Variants in TBC1D16 observed in about 807,000 individuals in gnomAD.
TBC1D16 encodes TBC1 domain family member 16.
TBC1D16 carries 58 observed loss-of-function variants against 74.7 expected under a neutral mutation model. The observed-to-expected ratio is 0.78, with a 90% CI of 0.63 to 0.97. TBC1D16 has a LOEUF of 0.97. Ranked by LOEUF, TBC1D16 falls within the 50% of genes least tolerant of loss-of-function variation. TBC1D16 has a pLI of 0.00. For missense variants in TBC1D16, 1,014 were observed against 1,079.5 expected (o/e 0.94, Z 0.85); for synonymous variants, 493 against 474.7 (o/e 1.04, Z -0.50).
rs968607097 is a variant in TBC1D16 at position 79,986,069 on chromosome 17, A to G, written c.779+24091T>C. On this transcript the variant is annotated intron_variant, in intron 3 of 11. Transcript: ENST00000310924. This position sits in a 1 kb window ranked among gnomAD's most constrained non-coding sequence, Gnocchi z 6.0. Reference sequence around the variant, plus strand: ...GAAAGGTCCTGACTAGAATCTGTTTATATTTTGACTGCACTGGCATCTGCC... The same window carrying G: ...GAAAGGTCCTGACTAGAATCTGTTTGTATTTTGACTGCACTGGCATCTGCC... Among the ~76,000 whole-genome samples the G allele has an allele frequency of 6.6e-6, 1 of 152,254 alleles. No homozygotes were observed. Among genetic ancestry groups the G allele is most frequent in the East Asian group, 1.9e-4 (1 of 5,196 alleles).
rs1360679765 is a variant in TBC1D16 at position 79,983,232 on chromosome 17, A to G, written c.779+26928T>C. On this transcript the variant is annotated intron_variant, in intron 3 of 11. Transcript: ENST00000310924. This position sits in a 1 kb window ranked among gnomAD's most constrained non-coding sequence, Gnocchi z 5.6. ...TGGCAGCGCGGGAGGGGTTTATGGCAGGGCATGAATTGAGAATGGCAAGAC... is the reference window on the plus strand; with the variant it reads ...TGGCAGCGCGGGAGGGGTTTATGGCGGGGCATGAATTGAGAATGGCAAGAC... Among the ~76,000 whole-genome samples the G allele has an allele frequency of 6.6e-6, 1 of 152,228 alleles. No individual in the cohort carries two copies. Among genetic ancestry groups the G allele is most frequent in the East Asian group, 1.9e-4 (1 of 5,188 alleles).
intron 3 of TBC1D16, among the ~76,000 whole-genome samples, chr17:79,999,622 A>G (rs557988000): frequency 2.0e-3 from 225 of 113,918 alleles, no homozygotes; most frequent in African/African-American, 6.6e-3. Flanking sequence ...GGCTCACTGC[A>G]ACCTCCGCTT....
chr17:79,974,152 G>A (rs142979771), intron 3 of TBC1D16, among the ~76,000 whole-genome samples: 210 of 152,338 alleles, frequency 1.4e-3, no homozygotes, highest in African/African-American at 4.3e-3. Context: ...CGGGATGGAG[G>A]GGGAGGGTAG....
At chr17:80,019,057 C>A (rs2036195930) in intron 1 of TBC1D16, among the ~76,000 whole-genome samples, 1 of 150,224 alleles carries the variant, frequency 6.7e-6, no homozygotes, top group South Asian at 2.1e-4. Flanking sequence ...TTCTGTGTTT[C>A]AAATGGCTCT....
chr17:79,937,111 C>T lies in TBC1D16; in HGVS notation c.*3748G>A, dbSNP rs2031665779. 6.6e-6 allele frequency: 1 copy of T among 152,168 alleles called. No individual in the cohort carries two copies. The highest frequency in any genetic ancestry group is 6.5e-5 in the Admixed American group (1 of 15,284). The allele number at this position is 152,168 out of a possible 1,614,324, so 9.4% of individuals were successfully genotyped here. ...GGTGGAGCCTTGGCACCCCCAGCCC[C>T]CACCCCGCAAGGGAAAGGGGAAGCT... is the stretch of plus-strand genomic sequence containing the variant. On this transcript the variant is annotated 3_prime_UTR_variant, in exon 12 of 12. Coordinates refer to ENST00000310924, the MANE Select transcript of TBC1D16 (RefSeq NM_019020.4).
At position 79,950,609 on chromosome 17, in the gene TBC1D16, GGATCTCAGCCGCGCGGCTTCA is replaced by G; in HGVS notation, c.1090-52_1090-32del. 1.2e-6 allele frequency: 2 copies of G among 1,604,702 alleles called. No homozygotes were observed. Among genetic ancestry groups the G allele is most frequent in the Non-Finnish European group, 1.7e-6 (2 of 1,175,554 alleles). On this transcript the variant is annotated intron_variant, in intron 5 of 11. Transcript: ENST00000310924. This position sits in a 1 kb window ranked among gnomAD's most constrained non-coding sequence, Gnocchi z 4.6. ...CGGGAGGAAAACTGGGCAAAGGTCA[GGATCTCAGCCGCGCGGCTTCA>G]GAGGCCAGCAGTGCTTTTCCCAGGA... is the stretch of plus-strand genomic sequence containing the variant.
At chr17:80,028,039 C>G (rs902570655) in intron 1 of TBC1D16, among the ~76,000 whole-genome samples, 3 of 151,916 alleles carry the variant, frequency 2.0e-5, no homozygotes, top group Non-Finnish European at 4.4e-5. Flanking sequence ...AATAAGCTCC[C>G]GAGTGCATGA....
chr17:79,997,030 A>G (rs2035298645), intron 3 of TBC1D16, among the ~76,000 whole-genome samples: 1 of 152,184 alleles, frequency 6.6e-6, no homozygotes, highest in Non-Finnish European at 1.5e-5. Context: ...AAAAAAGTCC[A>G]TCTCAAAGCT....
chr17:80,030,255 G>A (rs1400206502), intron 1 of TBC1D16, among the ~76,000 whole-genome samples: 2 of 152,176 alleles, frequency 1.3e-5, no homozygotes, highest in African/African-American at 4.8e-5. Flanking sequence ...AACTCGCAGG[G>A]CGGCCTCTGA....
chr17:79,952,333 G>C (rs755425540), intron 4 of TBC1D16: 1 of 244,258 alleles, frequency 4.1e-6, no homozygotes, highest in African/African-American at 2.2e-5. Context: ...AGCATCCCCC[G>C]GCGATCAGAG....
intron 3 of TBC1D16, among the ~76,000 whole-genome samples, chr17:79,982,429 C>G (rs2034626461): frequency 6.6e-6 from 1 of 151,746 alleles, no homozygotes; most frequent in Non-Finnish European, 1.5e-5. Context: ...CAGGCCTGAG[C>G]CACTGTGCCC....
Position 80,007,352 on chromosome 17 carries a change from G to A in TBC1D16, c.779+2808C>T, listed in dbSNP as rs569678154. ...CCTCACGCCGACTCTGCCCTACAAGGGGGTTCTTGGCCGCACTTCACACCC... is the reference window on the plus strand; with the variant it reads ...CCTCACGCCGACTCTGCCCTACAAGAGGGTTCTTGGCCGCACTTCACACCC... On this transcript the variant is annotated intron_variant, in intron 3 of 11. Coordinates refer to ENST00000310924, the MANE Select transcript of TBC1D16 (RefSeq NM_019020.4). This position sits in a 1 kb window ranked among gnomAD's most constrained non-coding sequence, Gnocchi z 4.5. 3.3e-5 allele frequency among the ~76,000 whole-genome samples: 5 copies of A among 152,350 alleles called. No homozygotes were observed. The highest frequency in any genetic ancestry group is 9.6e-5 in the African/African-American group (4 of 41,586).
intron 3 of TBC1D16, among the ~76,000 whole-genome samples, chr17:80,002,155 C>G (rs1209542186): frequency 6.6e-6 from 1 of 152,174 alleles, no homozygotes; most frequent in Non-Finnish European, 1.5e-5. Flanking sequence ...AAGGATGCTT[C>G]CCAGCACTGG....
At chr17:79,942,005 G>A in intron 11 of TBC1D16, 55 bp downstream of exon 11, 3 of 1,488,754 alleles carry the variant, frequency 2.0e-6, no homozygotes, top group Non-Finnish European at 9.1e-7. Flanking sequence ...ACGAGCTGGT[G>A]GGGTGGGGCT....
In TBC1D16 at chr17:79,971,933, G is replaced by C. The variant is rs1028403198; in HGVS notation, c.780-19115C>G. Among the ~76,000 whole-genome samples the C allele has an allele frequency of 4.6e-5, 7 of 152,144 alleles. No homozygotes were observed. The highest frequency in any genetic ancestry group is 1.7e-4 in the African/African-American group (7 of 41,434). On this transcript the variant is annotated intron_variant, in intron 3 of 11. Transcript: ENST00000310924. The surrounding 1 kb of genome is among the most constrained non-coding windows in gnomAD (Gnocchi z 4.6). ...CCTGAGTGGGTGCAGGGACAAGGAA[G>C]GTCTGCGGAGGACAGGTCGGAGTGC... is the stretch of plus-strand genomic sequence containing the variant.
chr17:79,949,330 A>G (rs1317311276), intron 7 of TBC1D16, among the ~76,000 whole-genome samples: 1 of 152,224 alleles, frequency 6.6e-6, no homozygotes, highest in Non-Finnish European at 1.5e-5. Flanking sequence ...ACCCAGTCCC[A>G]GCCTCCTGGA....
Position 80,013,475 on chromosome 17 carries a change from T to G in TBC1D16, c.73A>C (p.Ser25Arg), listed in dbSNP as rs764107334. 6.3e-7 allele frequency: 1 copy of G among 1,594,720 alleles called. No individual in the cohort carries two copies. Among genetic ancestry groups the G allele is most frequent in the East Asian group, 2.3e-5 (1 of 44,068 alleles). Residue 25 changes from serine (S) to arginine (R), a missense_variant, in exon 2 of 12, where the codon AGC becomes CGC. By Grantham distance (110) the Ser-to-Arg change is moderately radical. Coordinates refer to ENST00000310924, the MANE Select transcript of TBC1D16 (RefSeq NM_019020.4). Reference sequence around the variant, plus strand: ...AGGACAGAGGGGGACCCGCTGCCGCTGCCACCGGGGGTGAGGGTCAGGAGG... The same window carrying G: ...AGGACAGAGGGGGACCCGCTGCCGCGGCCACCGGGGGTGAGGGTCAGGAGG... Reference protein sequence around the residue: ...SDLLTLTPGGSGSGSPSVLDG... With the variant: ...SDLLTLTPGGRGSGSPSVLDG...
At position 79,986,451 on chromosome 17, in the gene TBC1D16, T is replaced by A. The variant is rs1026123938; in HGVS notation, c.779+23709A>T. Among the ~76,000 whole-genome samples, 3 of 152,054 alleles carry A rather than the reference T, an allele frequency of 2.0e-5. No homozygotes were observed. Among genetic ancestry groups the A allele is most frequent in the African/African-American group, 7.2e-5 (3 of 41,408 alleles). On this transcript the variant is annotated intron_variant, in intron 3 of 11. Transcript: ENST00000310924. The surrounding 1 kb of genome is among the most constrained non-coding windows in gnomAD (Gnocchi z 6.0). The stretch of plus-strand genomic sequence containing the variant: ...GTATCGTCAGCGTTGCAGTGGTGGG[T>A]AAGAGGCCCCGGGATTATTTTTGGA...
chr17:79,952,459 C>A (rs543177238), intron 4 of TBC1D16, among the ~76,000 whole-genome samples, 198 bp downstream of exon 4: 2 of 152,358 alleles, frequency 1.3e-5, no homozygotes, highest in South Asian at 4.1e-4. Context: ...GTAGCTCACC[C>A]AGCCTGAGAA....
Sources: gnomAD v4.1 joint callset for allele counts (sites outside exome capture counted in the v4.1 genomes callset) on GRCh38, gnomAD v4.1.1 for gene constraint, Gnocchi (gnomAD v3.1) non-coding constraint, MANE v1.5 for transcripts, NCBI Gene and HGNC (gene_info 2026-07-23, HGNC 2026-07-21) for gene names.